The following KIAA0040 variants were observed in gnomAD, a reference collection of about 807,000 sequenced individuals.
KIAA0040 encodes uncharacterized protein KIAA0040.
A neutral mutation model predicts 7.2 loss-of-function variants in KIAA0040; 10 were observed. The ratio of observed to expected loss-of-function variants is 1.38; its 90% CI spans 0.85 to 2.34. KIAA0040 has a LOEUF of 2.34. Ranked by LOEUF, KIAA0040 falls within the 30% of genes most tolerant of loss-of-function variation. The probability of loss-of-function intolerance (pLI) is 0.00; values close to 1 mark genes in which losing one functional copy is unlikely to be tolerated. For synonymous variants in KIAA0040, 49 were observed against 40.1 expected, an observed-to-expected ratio of 1.22 and a Z score of -0.84; for missense variants, 89 against 108.2, an observed-to-expected ratio of 0.82 and a Z score of 0.79.
chr1:175,181,455 T>C (rs1221597288), intron 1 of KIAA0040, among the ~76,000 whole-genome samples: 1 of 152,234 alleles, frequency 6.6e-6, no homozygotes, highest in Non-Finnish European at 1.5e-5. Flanking sequence ...GTACCTACTA[T>C]GTGCATGAAG....
At chr1:175,171,167 T>A (rs545875751) in intron 2 of KIAA0040, among the ~76,000 whole-genome samples, 25 of 152,234 alleles carry the variant, frequency 1.6e-4, no homozygotes, top group Non-Finnish European at 3.2e-4. Flanking sequence ...GAGGCCTTTT[T>A]CTAATGGAGT....
At chr1:175,186,581 G>A (rs1677667803) in intron 1 of KIAA0040, among the ~76,000 whole-genome samples, 2 of 152,204 alleles carry the variant, frequency 1.3e-5, no homozygotes, top group Non-Finnish European at 2.9e-5. Flanking sequence ...GTCTGGAAAT[G>A]AGGTGTTCTT....
chr1:175,181,657 T>G (rs1392227328), intron 1 of KIAA0040, among the ~76,000 whole-genome samples: 1 of 152,214 alleles, frequency 6.6e-6, no homozygotes, highest in African/African-American at 2.4e-5. Flanking sequence ...CCATAAGGCA[T>G]GATTAGTTCA....
rs1394873155 is a variant in KIAA0040, at chr1:175,159,765, G to A, written c.*949C>T. ...TCTGTAAACATTGCACAGGTACACA[G>A]TTGCAGTCCACTGACATAAATGAGT... On this transcript the variant is annotated 3_prime_UTR_variant, in exon 4 of 4. Coordinates refer to ENST00000423313, the MANE Select transcript of KIAA0040 (RefSeq NM_014656.3). 1.3e-5 allele frequency: 2 copies of A among 152,218 alleles called. No homozygotes were observed. The highest frequency in any genetic ancestry group is 4.8e-5 in the African/African-American group (2 of 41,446). 9.4% of individuals were successfully genotyped at this position (152,218 alleles called of 1,614,324 possible). A position where few individuals can be genotyped will look rare whatever the true frequency, so the allele number is the denominator to read the frequency against.
At chr1:175,169,420 T>C (rs1405213996) in intron 2 of KIAA0040, among the ~76,000 whole-genome samples, 2 of 152,180 alleles carry the variant, frequency 1.3e-5, no homozygotes, top group Non-Finnish European at 2.9e-5. Context: ...TAGAATGGCA[T>C]GGATAATAAC....
Position 175,160,909 on chromosome 1 carries a change from C to A in KIAA0040, c.105G>T (p.Leu35=). ...NTICLGVLLG[L]PLLVIITLLF... is the part of the protein sequence containing the mutation. ...GGAGTGTGATGATCACCAAGAGTGGCAGGCCCAGGAGGACTCCCAGGCAGA... is the reference window on the plus strand; with the variant it reads ...GGAGTGTGATGATCACCAAGAGTGGAAGGCCCAGGAGGACTCCCAGGCAGA... Residue 35 remains leucine, a synonymous_variant, in exon 4 of 4, where the codon CTG becomes CTT. Transcript: ENST00000423313. The A allele has an allele frequency of 6.4e-7, 1 of 1,551,558 alleles. No individual in the cohort carries two copies. The highest frequency in any genetic ancestry group is 8.7e-7 in the Non-Finnish European group (1 of 1,146,976).
At chr1:175,169,501 C>G (rs1676902218) in intron 2 of KIAA0040, among the ~76,000 whole-genome samples, 1 of 152,182 alleles carries the variant, frequency 6.6e-6, no homozygotes. Flanking sequence ...AAAAGTTAGT[C>G]CTGATTGTTT....
At chr1:175,162,398 C>T (rs1676580808) in intron 3 of KIAA0040, among the ~76,000 whole-genome samples, 1 of 152,090 alleles carries the variant, frequency 6.6e-6, no homozygotes, top group African/African-American at 2.4e-5. Context: ...CCAGGCCACA[C>T]AGGCCCACCC....
chr1:175,178,181 C>A (rs1677281450), intron 1 of KIAA0040, among the ~76,000 whole-genome samples: 1 of 152,220 alleles, frequency 6.6e-6, no homozygotes. Flanking sequence ...CTTGAATCCT[C>A]CATGTGTACA....
chr1:175,185,014 TTTC>T (rs750797528), intron 1 of KIAA0040, among the ~76,000 whole-genome samples: 44 of 152,160 alleles, frequency 2.9e-4, no homozygotes, highest in Admixed American at 4.6e-4. Flanking sequence ...GAGACCTCAA[TTTC>T]TTCTTCTATA....
chr1:175,182,848 T>G (rs1677491623), intron 1 of KIAA0040, among the ~76,000 whole-genome samples: 2 of 152,236 alleles, frequency 1.3e-5, no homozygotes. Context: ...AGAGCACATC[T>G]TCAGTGCATG....
At position 175,161,089 on chromosome 1, in the gene KIAA0040, G is replaced by A; in HGVS notation, c.-76C>T. On this transcript the variant is annotated 5_prime_UTR_variant, in exon 4 of 4. Coordinates refer to ENST00000423313, the MANE Select transcript of KIAA0040 (RefSeq NM_014656.3). ...CCTGGGCTCAAAAGGATGCAACCTTGACCACTTGTAATTTATTCCTCTTCC... is the reference window on the plus strand; with the variant it reads ...CCTGGGCTCAAAAGGATGCAACCTTAACCACTTGTAATTTATTCCTCTTCC... 1.5e-6 allele frequency: 2 copies of A among 1,342,552 alleles called. No individual in the cohort carries two copies. Among genetic ancestry groups the A allele is most frequent in the South Asian group, 1.5e-5 (1 of 66,464 alleles). 83.2% of individuals were successfully genotyped at this position (1,342,552 alleles called of 1,614,324 possible).
chr1:175,186,774 G>T (rs9970575), intron 1 of KIAA0040, among the ~76,000 whole-genome samples: 2,689 of 152,328 alleles, frequency 0.018, 62 homozygotes, highest in African/African-American at 0.057. Context: ...TTTGGTCCAA[G>T]TGTCTTGCAG....
intron 1 of KIAA0040, among the ~76,000 whole-genome samples, chr1:175,186,934 T>A (rs1677681597): frequency 6.6e-6 from 1 of 152,182 alleles, no homozygotes; most frequent in Admixed American, 6.5e-5. Context: ...GAAGCTTTTA[T>A]CTAGGCCACT....
chr1:175,181,495 A>G (rs1159135088), intron 1 of KIAA0040, among the ~76,000 whole-genome samples: 2 of 152,228 alleles, frequency 1.3e-5, no homozygotes, highest in Non-Finnish European at 2.9e-5. Flanking sequence ...GCTTTCCCAG[A>G]TAATGCTGCC....
At chr1:175,170,945 C>T (rs915884662) in intron 2 of KIAA0040, among the ~76,000 whole-genome samples, 7 of 152,142 alleles carry the variant, frequency 4.6e-5, no homozygotes, top group Non-Finnish European at 4.4e-5. Flanking sequence ...ATCGTCTGGC[C>T]CCTGCCTCCT....
chr1:175,170,062 C>G (rs1290716291), intron 2 of KIAA0040, among the ~76,000 whole-genome samples: 1 of 152,106 alleles, frequency 6.6e-6, no homozygotes, highest in African/African-American at 2.4e-5. Flanking sequence ...ATTGGAGTGG[C>G]CTCTGAAAAG....
chr1:175,183,803 G>A (rs1448234431), intron 1 of KIAA0040, among the ~76,000 whole-genome samples: 1 of 152,214 alleles, frequency 6.6e-6, no homozygotes, highest in East Asian at 1.9e-4. Context: ...GAGAGGGGCG[G>A]GGCTTGCAGC....
Position 175,191,803 on chromosome 1 carries a change from C to T in KIAA0040, c.-384+837G>A, listed in dbSNP as rs115607000. ...GAAGGGAGGAGCTTCCAAGATGCTCCAGTGGTCTTTTCCTTCCCTTCCTCG... is the reference window on the plus strand; with the variant it reads ...GAAGGGAGGAGCTTCCAAGATGCTCTAGTGGTCTTTTCCTTCCCTTCCTCG... On this transcript the variant is annotated intron_variant, in intron 1 of 3. Transcript: ENST00000423313. 2.8e-3 allele frequency among the ~76,000 whole-genome samples: 426 copies of T among 152,292 alleles called. 3 individuals are homozygous for T. Among genetic ancestry groups the T allele is most frequent in the African/African-American group, 8.5e-3 (355 of 41,558 alleles).
Sources: gnomAD v4.1 joint callset for allele counts (sites outside exome capture counted in the v4.1 genomes callset) on GRCh38, gnomAD v4.1.1 for gene constraint, MANE v1.5 for transcripts, NCBI Gene and HGNC (gene_info 2026-07-23, HGNC 2026-07-21) for gene names.